SF3B1: variants seen among roughly 807,000 people sequenced by gnomAD.
The protein encoded by SF3B1 is pre-mRNA processing 10.
A neutral mutation model predicts 153.8 loss-of-function variants in SF3B1; 12 were observed. The ratio of observed to expected loss-of-function variants is 0.08; its 90% CI spans 0.05 to 0.13. SF3B1 has a LOEUF of 0.13. Ranked by LOEUF, SF3B1 falls within the 10% of genes least tolerant of loss-of-function variation. The pLI is 1.00. For missense variants in SF3B1, 513 were observed against 1,606.1 expected, an observed-to-expected ratio of 0.32 and a Z score of 11.63; for synonymous variants, 498 against 525.2, an observed-to-expected ratio of 0.95 and a Z score of 0.71.
intron 5 of SF3B1, among the ~76,000 whole-genome samples, chr2:197,418,234 C>CAA (rs59644092): frequency 0.011 from 386 of 36,368 alleles, 55 homozygotes; most frequent in Middle Eastern, 0.045. Context: ...AGACTGTGTC[C>CAA]AAAAAAAAAA....
chr2:197,412,963 G>A (rs2085093189), intron 6 of SF3B1, among the ~76,000 whole-genome samples: 1 of 100,624 alleles, frequency 9.9e-6, no homozygotes, highest in Non-Finnish European at 1.8e-5. Flanking sequence ...GAGCAAGACT[G>A]TTGTCTCAAA....
At position 197,402,208 on chromosome 2, in the gene SF3B1, T is replaced by C. The variant is rs2084942756; in HGVS notation, c.2078-78A>G. Reference sequence around the variant, plus strand: ...CAATATCATCCAGATTCTCTCAATATATCAACTATTCAGCCAAACTGCAGA... The same window carrying C: ...CAATATCATCCAGATTCTCTCAATACATCAACTATTCAGCCAAACTGCAGA... On this transcript the variant is annotated intron_variant, in intron 14 of 24. Coordinates refer to ENST00000335508, the MANE Select transcript of SF3B1 (RefSeq NM_012433.4). The surrounding 1 kb of genome is among the most constrained non-coding windows in gnomAD (Gnocchi z 4.6). The C allele has an allele frequency of 6.6e-6, 10 of 1,505,242 alleles. No individual in the cohort carries two copies. The South Asian group carries it at 1.2e-4, about 18-fold the overall frequency. The allele number at this position is 1,505,242 out of a possible 1,614,324, so 93.2% of individuals were successfully genotyped here.
At chr2:197,432,762 A>T (rs1194677599) in intron 1 of SF3B1, among the ~76,000 whole-genome samples, 1 of 152,212 alleles carries the variant, frequency 6.6e-6, no homozygotes, top group Non-Finnish European at 1.5e-5. Flanking sequence ...AGTACTCAGG[A>T]GGCTGAAGCA....
chr2:197,426,920 G>A (rs561220176), intron 1 of SF3B1, among the ~76,000 whole-genome samples: 7 of 152,198 alleles, frequency 4.6e-5, no homozygotes, highest in Admixed American at 3.9e-4. Flanking sequence ...CACATATTGT[G>A]CAACTTGCTT....
At chr2:197,410,993 A>G (rs2085059328) in intron 6 of SF3B1, among the ~76,000 whole-genome samples, 1 of 152,118 alleles carries the variant, frequency 6.6e-6, no homozygotes, top group Admixed American at 6.5e-5. Flanking sequence ...GGTTGAGTGC[A>G]GTGGCACAAT....
chr2:197,406,848 G>A (rs2084999493), intron 9 of SF3B1, among the ~76,000 whole-genome samples: 1 of 152,162 alleles, frequency 6.6e-6, no homozygotes, highest in African/African-American at 2.4e-5. Flanking sequence ...CCCCAGCAGT[G>A]TGGGAGGCCA....
intron 5 of SF3B1, 118 bp from the exon 6 acceptor site, chr2:197,417,029 A>C: frequency 1.0e-6 from 1 of 958,524 alleles, no homozygotes; most frequent in Non-Finnish European, 1.6e-6. Flanking sequence ...TTTTCTATGT[A>C]CTGGTGATCT....
intron 5 of SF3B1, among the ~76,000 whole-genome samples, chr2:197,417,748 C>T (rs1294173006): frequency 6.6e-6 from 1 of 152,018 alleles, no homozygotes; most frequent in Non-Finnish European, 1.5e-5. Context: ...CAAAGGAAGA[C>T]TCCACTCAAA....
intron 22 of SF3B1, 28 bp from the exon 23 acceptor site, chr2:197,396,356 TGTTAC>T: frequency 6.4e-7 from 1 of 1,573,848 alleles, no homozygotes; most frequent in Non-Finnish European, 8.6e-7. Context: ...GTCAACAAGC[TGTTAC>T]ATTATAAGTC....
At chr2:197,418,234 C>CAAAAAAAAAAAAAAGAAAAAA (rs2085183480) in intron 5 of SF3B1, among the ~76,000 whole-genome samples, 1 of 36,366 alleles carries the variant, frequency 2.7e-5, no homozygotes, top group Non-Finnish European at 5.5e-5. Flanking sequence ...AGACTGTGTC[C>CAAAAAAAAAAAAAAGAAAAAA]AAAAAAAAAA....
chr2:197,400,041 A>G lies in SF3B1; in HGVS notation c.3013+14T>C. 6.7e-7 allele frequency: 1 copy of G among 1,496,282 alleles called. No homozygotes were observed. The highest frequency in any genetic ancestry group is 9.2e-7 in the Non-Finnish European group (1 of 1,083,710). The allele number at this position is 1,496,282 out of a possible 1,614,324, so 92.7% of individuals were successfully genotyped here. A position where few individuals can be genotyped will look rare whatever the true frequency, so the allele number is the denominator to read the frequency against. On this transcript the variant is annotated intron_variant, in intron 20 of 24. Transcript: ENST00000335508. The surrounding 1 kb of genome is among the most constrained non-coding windows in gnomAD (Gnocchi z 5.0). ...AAACAAGAAAAAGTCTTATGTAACC[A>G]GCAAATTCCATACCTATGACATTTA...
chr2:197,422,647 C>A (rs1444848352), intron 2 of SF3B1, among the ~76,000 whole-genome samples: 1 of 151,748 alleles, frequency 6.6e-6, no homozygotes, highest in Non-Finnish European at 1.5e-5. Context: ...TCCCAGCACT[C>A]TGGGAGGCTG....
chr2:197,401,651 A>G lies in SF3B1; in HGVS notation c.2370+91T>C. On this transcript the variant is annotated intron_variant, in intron 16 of 24. Coordinates refer to ENST00000335508, the MANE Select transcript of SF3B1 (RefSeq NM_012433.4). The surrounding 1 kb of genome is among the most constrained non-coding windows in gnomAD (Gnocchi z 4.2). ...ATCAAACAGTATTCGTGTAACATAC[A>G]GTTTTTTTTGTTGATTTTTAAAAAC... 8 of 1,474,370 alleles carry G rather than the reference A, an allele frequency of 5.4e-6. No homozygotes were observed. The highest frequency in any genetic ancestry group is 7.4e-6 in the Non-Finnish European group (8 of 1,077,480). The allele number at this position is 1,474,370 out of a possible 1,614,324, so 91.3% of individuals were successfully genotyped here.
At chr2:197,408,979 A>C (rs957699068) in intron 7 of SF3B1, among the ~76,000 whole-genome samples, 2 of 152,214 alleles carry the variant, frequency 1.3e-5, no homozygotes, top group African/African-American at 2.4e-5. Flanking sequence ...CATAATAAAA[A>C]ACAAAGGGTA....
Position 197,400,708 on chromosome 2 carries a change from T to A in SF3B1, c.2718+7A>T. 1 of 1,579,666 alleles carries A rather than the reference T, an allele frequency of 6.3e-7. No homozygotes were observed. Among genetic ancestry groups the A allele is most frequent in the Non-Finnish European group, 8.7e-7 (1 of 1,151,312 alleles). ...TAGTAGCAATGTGCCATAATAGTTT[T>A]CATTACCTCTGTAGTCTGTTCTTGG... is the stretch of plus-strand genomic sequence containing the variant. On this transcript the variant is annotated splice_region_variant and intron_variant, in intron 18 of 24. Coordinates refer to ENST00000335508, the MANE Select transcript of SF3B1 (RefSeq NM_012433.4). This position sits in a 1 kb window ranked among gnomAD's most constrained non-coding sequence, Gnocchi z 5.0.
intron 23 of SF3B1, among the ~76,000 whole-genome samples, chr2:197,395,301 T>G (rs1028488067): frequency 6.6e-6 from 1 of 152,218 alleles, no homozygotes; most frequent in Admixed American, 6.5e-5. Flanking sequence ...CTCCATGTCT[T>G]GCATATATAC....
In SF3B1 at chr2:197,409,761, T is replaced by G. The variant is rs1329860002; in HGVS notation, c.904+9A>C. On this transcript the variant is annotated intron_variant, in intron 7 of 24. Coordinates refer to ENST00000335508, the MANE Select transcript of SF3B1 (RefSeq NM_012433.4). ...TTTCACCCACACACCCATACTCCAC[T>G]AGAAGTACCTCTCTCTGTTTTGGGG... 1.9e-6 allele frequency: 3 copies of G among 1,600,508 alleles called. No individual in the cohort carries two copies. The African/African-American group carries it at 4.0e-5, about 21-fold the overall frequency.
chr2:197,434,783 G>A (rs1327109359), intron 1 of SF3B1, among the ~76,000 whole-genome samples, 189 bp downstream of exon 1: 1 of 152,256 alleles, frequency 6.6e-6, no homozygotes, highest in South Asian at 2.1e-4. Context: ...CCTGTCGGGG[G>A]TGTAAGAGGA....
At chr2:197,403,849 T>C (rs2084960400) in intron 11 of SF3B1, 85 bp from the exon 12 acceptor site, 2 of 992,246 alleles carry the variant, frequency 2.0e-6, no homozygotes, top group Admixed American at 3.6e-5. Context: ...AGATTTTCCA[T>C]ACTTTAATAT....
Sources: allele counts gnomAD v4.1 joint callset (sites outside exome capture counted in the v4.1 genomes callset), GRCh38; gene constraint gnomAD v4.1.1; non-coding constraint Gnocchi (gnomAD v3.1); transcripts MANE v1.5; gene names NCBI Gene and HGNC (gene_info 2026-07-23, HGNC 2026-07-21).